The following CENPT variants were observed in gnomAD, a reference collection of about 807,000 sequenced individuals.
The protein encoded by CENPT is centromere protein T, also known as interphase centromere complex protein 22.
Under a neutral mutation model 59.7 loss-of-function variants are expected in CENPT, and 42 were observed. That is an observed-to-expected ratio of 0.70 (90% confidence interval 0.55 to 0.91). The LOEUF (loss-of-function observed/expected upper bound fraction) is 0.91, where lower values mean the gene tolerates loss of function less well. Among genes scored for constraint, CENPT ranks in the 40% least tolerant of loss-of-function variants. The probability of loss-of-function intolerance (pLI) is 0.00; values close to 1 mark genes in which losing one functional copy is unlikely to be tolerated. For synonymous variants in CENPT, 295 were observed against 289.6 expected (o/e 1.02, Z -0.19); for missense variants, 716 against 713.4 (o/e 1.00, Z -0.04).
In CENPT at chr16:67,830,019, A is replaced by T; in HGVS notation, c.932T>A (p.Leu311Gln). 1 of 1,614,212 alleles carries T rather than the reference A, an allele frequency of 6.2e-7. No individual in the cohort carries two copies. The highest frequency in any genetic ancestry group is 2.2e-5 in the East Asian group (1 of 44,896). The change falls in exon 12 of 16, where the codon CTG (leucine) becomes CAG (glutamine). Residue 311 changes from leucine (L) to glutamine (Q), a missense_variant. Physicochemically the swap from Leu to Gln is moderately radical, Grantham distance 113. Transcript: ENST00000562787. Reference protein sequence around the residue: ...EEVNAFALGFLSTSSGVSGED... With the variant: ...EEVNAFALGFQSTSSGVSGED... ...TCCAGAGACACCACTGCTGGTGCTC[A>T]GGAAGCCCAGAGCAAAGGCATTGAC...
At position 67,832,006 on chromosome 16, in the gene CENPT, G is replaced by A; in HGVS notation, c.386+6C>T. The A allele has an allele frequency of 1.9e-6, 3 of 1,596,784 alleles. No individual in the cohort carries two copies. The highest frequency in any genetic ancestry group is 2.6e-6 in the Non-Finnish European group (3 of 1,169,656). On this transcript the variant is annotated splice_donor_region_variant and intron_variant, in intron 7 of 15. Coordinates refer to ENST00000562787, the MANE Select transcript of CENPT (RefSeq NM_025082.4). ...GCACAATCCAAGGTGGGGGAGTTCT[G>A]TGTACCTGCCGCAACTGCTCTCTTG...
rs1331375021 is a variant in CENPT at position 67,831,620 on chromosome 16, C to T, written c.524-8G>A. On this transcript the variant is annotated splice_region_variant and splice_polypyrimidine_tract_variant and intron_variant, in intron 8 of 15. Transcript: ENST00000562787. ...CAGCATTCCCTTGAGGCTCTGTCAG[C>T]AACCGGCAAGAGAATGTAAAAGAAG... is the stretch of plus-strand genomic sequence containing the variant. 6.2e-7 allele frequency: 1 copy of T among 1,613,984 alleles called. No individual in the cohort carries two copies. Among genetic ancestry groups the T allele is most frequent in the African/African-American group, 1.3e-5 (1 of 74,910 alleles).
chr16:67,829,513 C>A lies in CENPT; in HGVS notation c.1190G>T (p.Ser397Ile), dbSNP rs745661240. The A allele has an allele frequency of 6.3e-7, 1 of 1,596,190 alleles. No individual in the cohort carries two copies. Among genetic ancestry groups the A allele is most frequent in the Non-Finnish European group, 8.5e-7 (1 of 1,175,382 alleles). Residue 397 changes from serine (S) to isoleucine (I), a missense_variant, in exon 13 of 16, where the codon AGT (serine) becomes ATT (isoleucine). Transcript: ENST00000562787. ...AGGGGTGCTGGAGGCCGACTCTGGACTTGCTACAAAGAAGAAGGGTGGGGT... is the reference window on the plus strand; with the variant it reads ...AGGGGTGCTGGAGGCCGACTCTGGAATTGCTACAAAGAAGAAGGGTGGGGT... ...GDEDASGRAA[S>I]PESASSTPES... is the part of the protein sequence containing the mutation.
chr16:67,842,916 AGCAACAG>A lies in CENPT; in HGVS notation c.-492+4478_-492+4484del, dbSNP rs747270195. 2.7e-5 allele frequency: 42 copies of A among 1,569,080 alleles called. No individual in the cohort carries two copies. Among genetic ancestry groups the A allele is most frequent in the African/African-American group, 2.0e-4 (13 of 64,178 alleles). The stretch of plus-strand genomic sequence containing the variant: ...CAACAGCAGCAACAGCAGCAGCAGC[AGCAACAG>A]CAGCAGCAGCAGCAGCAGCAGCAGC... On this transcript the variant is annotated intron_variant, in intron 1 of 15. Coordinates refer to ENST00000562787, the MANE Select transcript of CENPT (RefSeq NM_025082.4). The surrounding 1 kb of genome is among the most constrained non-coding windows in gnomAD (Gnocchi z 4.9).
intron 1 of CENPT, among the ~76,000 whole-genome samples, chr16:67,840,536 G>C (rs1393439454): frequency 1.3e-5 from 2 of 149,518 alleles, no homozygotes; most frequent in Non-Finnish European, 3.0e-5. Context: ...TGAGTTAAAT[G>C]ATGAGAACTC....
At position 67,832,238 on chromosome 16, in the gene CENPT, G is replaced by A; in HGVS notation, c.279C>T (p.Ile93=). The stretch of plus-strand genomic sequence containing the variant: ...CCAGCGCTCACTTACCAGTTAGTAG[G>A]ATGTTCTTCAGCAGCGTCCGAGGTG... ...EQTPRTLLKN[I]LLTAPESSIL... The change falls in exon 6 of 16, where the codon ATC becomes ATT. Residue 93 remains isoleucine (I), a synonymous_variant. Coordinates refer to ENST00000562787, the MANE Select transcript of CENPT (RefSeq NM_025082.4). 1 of 1,614,150 alleles carries A rather than the reference G, an allele frequency of 6.2e-7. No individual in the cohort carries two copies. Among genetic ancestry groups the A allele is most frequent in the Non-Finnish European group, 8.5e-7 (1 of 1,179,984 alleles).
In CENPT at chr16:67,832,041, T is replaced by C. The variant is rs766983092; in HGVS notation, c.357A>G (p.Gln119=). ...CGCAACTGCTCTCTTGTCTGGAGGG[T>C]TGGACCGCCTGCGGTGCTGGCACTG... is the stretch of plus-strand genomic sequence containing the variant. ...VKPVPAPQAV[Q]PSRQESSCGS... The change falls in exon 7 of 16, where the codon CAA becomes CAG. Residue 119 remains glutamine (Q), a synonymous_variant. Coordinates refer to ENST00000562787, the MANE Select transcript of CENPT (RefSeq NM_025082.4). 5.0e-6 allele frequency: 8 copies of C among 1,609,504 alleles called. No homozygotes were observed. Among genetic ancestry groups the C allele is most frequent in the South Asian group, 3.3e-5 (3 of 90,554 alleles).
chr16:67,844,553 A>C (rs1269481531), intron 1 of CENPT, among the ~76,000 whole-genome samples: 1 of 152,222 alleles, frequency 6.6e-6, no homozygotes, highest in Non-Finnish European at 1.5e-5. Flanking sequence ...TTTGCTCACC[A>C]TGACATCCCT....
rs72790365 is a variant in CENPT, at chr16:67,830,428, C to T, written c.824G>A (p.Arg275His). 1.1e-5 allele frequency: 17 copies of T among 1,613,832 alleles called. No individual in the cohort carries two copies. Among genetic ancestry groups the T allele is most frequent in the East Asian group, 2.2e-5 (1 of 44,878 alleles). The change falls in exon 11 of 16, where the codon CGC (arginine) becomes CAC (histidine). Residue 275 changes from arginine (R) to histidine (H), a missense_variant. By Grantham distance (29) the Arg-to-His change is conservative. Coordinates refer to ENST00000562787, the MANE Select transcript of CENPT (RefSeq NM_025082.4). Reference sequence around the variant, plus strand: ...CCCAGGCCCACTGCTCTGTGTCTTGCGACCGGCAGCCTGCTCAGCGTCTTC... The same window carrying T: ...CCCAGGCCCACTGCTCTGTGTCTTGTGACCGGCAGCCTGCTCAGCGTCTTC... ...GAEDAEQAAG[R>H]KTQSSGPGLQ...
chr16:67,839,180 A>T (rs2033151052), intron 1 of CENPT, among the ~76,000 whole-genome samples: 1 of 151,952 alleles, frequency 6.6e-6, no homozygotes, highest in South Asian at 2.1e-4. Context: ...TGAGGTCAGG[A>T]GTTTGCGACC....
intron 1 of CENPT, 86 bp from the exon 2 acceptor site, chr16:67,835,744 G>T (rs1175054769): frequency 6.6e-6 from 1 of 152,046 alleles, no homozygotes; most frequent in Non-Finnish European, 1.5e-5. Flanking sequence ...GATATTCCTT[G>T]TCATTTAGAT....
intron 12 of CENPT, 91 bp from the exon 13 acceptor site, chr16:67,829,607 G>T: frequency 1.5e-6 from 2 of 1,378,902 alleles, no homozygotes; most frequent in Non-Finnish European, 2.0e-6. Context: ...CCTGTTTCTG[G>T]TGGGCCCCAC....
Position 67,828,787 on chromosome 16 carries a change from G to A in CENPT, c.1337C>T (p.Thr446Ile), listed in dbSNP as rs745974118. The A allele has an allele frequency of 3.7e-6, 6 of 1,607,296 alleles. No homozygotes were observed. In the African/African-American group the frequency reaches 8.1e-5, roughly 22 times the overall value. ...LLVRHPPRPR[T>I]TGPRPRQDPH... The stretch of plus-strand genomic sequence containing the variant: ...ATCTTGCCGGGGCCTGGGGCCGGTG[G>A]TCCGGGGCCTAGGGGGATGCCTGAC... Residue 446 changes from threonine (T) to isoleucine (I), a missense_variant, in exon 14 of 16, where the codon ACC (threonine) becomes ATC (isoleucine). Transcript: ENST00000562787.
intron 1 of CENPT, among the ~76,000 whole-genome samples, chr16:67,836,045 C>A (rs1292223018): frequency 6.9e-6 from 1 of 145,168 alleles, no homozygotes; most frequent in African/African-American, 2.6e-5. Context: ...GCCTGGTCTG[C>A]AGTTTTGTTT....
Position 67,843,209 on chromosome 16 carries a change from G to C in CENPT, c.-492+4192C>G. The C allele has an allele frequency of 3.1e-6, 5 of 1,611,768 alleles. No individual in the cohort carries two copies. The highest frequency in any genetic ancestry group is 4.2e-6 in the Non-Finnish European group (5 of 1,179,706). ...GTTACAGGCTGCTACCGCAGGGCTG[G>C]AGGCTGCCGAGTGCCCTATGGGCCC... is the stretch of plus-strand genomic sequence containing the variant. On this transcript the variant is annotated intron_variant, in intron 1 of 15. Transcript: ENST00000562787. This position sits in a 1 kb window ranked among gnomAD's most constrained non-coding sequence, Gnocchi z 5.7.
chr16:67,837,943 G>C (rs1358336197), intron 1 of CENPT, among the ~76,000 whole-genome samples: 1 of 152,164 alleles, frequency 6.6e-6, no homozygotes, highest in Non-Finnish European at 1.5e-5. Context: ...TTTAAGCAGA[G>C]GTATGACATA....
In CENPT at chr16:67,832,457, T is replaced by C; in HGVS notation, c.199A>G (p.Arg67Gly). 1 of 1,614,208 alleles carries C rather than the reference T, an allele frequency of 6.2e-7. No homozygotes were observed. The highest frequency in any genetic ancestry group is 8.5e-7 in the Non-Finnish European group (1 of 1,180,026). The change falls in exon 5 of 16, where the codon AGG (arginine) becomes GGG (glycine). Residue 67 changes from arginine to glycine, a missense_variant and splice_region_variant. By Grantham distance (125) the Arg-to-Gly change is moderately radical. Coordinates refer to ENST00000562787, the MANE Select transcript of CENPT (RefSeq NM_025082.4). ...TIARGRSHGA[R>G]SVGRSAHIQA... Reference sequence around the variant, plus strand: ...GGGTCAGTGGGCTGGGTACTTACCCTGGCTCCATGGGAACGCCCTCTGGCT... The same window carrying C: ...GGGTCAGTGGGCTGGGTACTTACCCCGGCTCCATGGGAACGCCCTCTGGCT...
At position 67,843,520 on chromosome 16, in the gene CENPT, C is replaced by A; in HGVS notation, c.-492+3881G>T. 1 of 1,590,776 alleles carries A rather than the reference C, an allele frequency of 6.3e-7. No homozygotes were observed. Among genetic ancestry groups the A allele is most frequent in the Non-Finnish European group, 8.6e-7 (1 of 1,167,872 alleles). On this transcript the variant is annotated intron_variant, in intron 1 of 15. Coordinates refer to ENST00000562787, the MANE Select transcript of CENPT (RefSeq NM_025082.4). The surrounding 1 kb of genome is among the most constrained non-coding windows in gnomAD (Gnocchi z 5.7). ...TGTGAACTGGTGCCCCGGCAGCCTG[C>A]TGGACTCCCAGACCCCATCCAGCCA... is the stretch of plus-strand genomic sequence containing the variant.
chr16:67,844,925 ATT>A (rs1200477625), intron 1 of CENPT, among the ~76,000 whole-genome samples: 1 of 151,654 alleles, frequency 6.6e-6, no homozygotes, highest in Non-Finnish European at 1.5e-5. Flanking sequence ...AGTAGCTGGG[ATT>A]ATAGGCACCC....
Sources: allele counts gnomAD v4.1 joint callset (sites outside exome capture counted in the v4.1 genomes callset), GRCh38; gene constraint gnomAD v4.1.1; non-coding constraint Gnocchi (gnomAD v3.1); transcripts MANE v1.5; gene names NCBI Gene and HGNC (gene_info 2026-07-23, HGNC 2026-07-21).